KCNK2: variants seen among roughly 807,000 people sequenced by gnomAD.
The protein encoded by KCNK2 is potassium two pore domain channel subfamily K member 2, also known as potassium channel subfamily K member 2.
In KCNK2, 21 loss-of-function variants were observed where a neutral mutation model predicts 40.5. The ratio of observed to expected loss-of-function variants is 0.52; its 90% CI spans 0.37 to 0.75. The LOEUF is 0.75. Ranked by LOEUF, KCNK2 falls within the 30% of genes least tolerant of loss-of-function variation. The pLI, the probability that KCNK2 is intolerant of heterozygous loss-of-function variation, is 0.00. For synonymous variants in KCNK2, 191 were observed against 202.2 expected (o/e 0.94, Z 0.47); for missense variants, 399 against 531.6 (o/e 0.75, Z 2.45).
In KCNK2 at chr1:215,083,202, C is replaced by CCCCCCCCCACCCCCACCA; in HGVS notation, c.-183_-182insCCCCCCCACCCCCACCAC. On this transcript the variant is annotated 5_prime_UTR_variant, in exon 1 of 7. Transcript: ENST00000444842. ...TTCGTTTCTTCTCACGCTCCCCCCC[C>CCCCCCCCCACCCCCACCA]CGCCCCCTCCCGCGTCCAGCCCCGC... is the stretch of plus-strand genomic sequence containing the variant. The CCCCCCCCCACCCCCACCA allele has an allele frequency of 1.3e-6, 1 of 786,682 alleles. No homozygotes were observed. The highest frequency in any genetic ancestry group is 1.5e-5 in the South Asian group (1 of 66,924). The allele number at this position is 786,682 out of a possible 1,614,324, so 48.7% of individuals were successfully genotyped here. A position where few individuals can be genotyped will look rare whatever the true frequency, so the allele number is the denominator to read the frequency against.
chr1:215,145,773 T>A (rs1662389057), intron 3 of KCNK2, among the ~76,000 whole-genome samples: 1 of 152,194 alleles, frequency 6.6e-6, no homozygotes, highest in South Asian at 2.1e-4. Context: ...AAGTGCTTTG[T>A]GATAGAAGTT....
intron 1 of KCNK2, among the ~76,000 whole-genome samples, chr1:215,075,718 A>G (rs377323292): frequency 2.6e-4 from 40 of 152,314 alleles, no homozygotes; most frequent in African/African-American, 8.4e-4. Flanking sequence ...GTCTGCCACA[A>G]ATTTCTAGCC....
chr1:215,154,275 A>C (rs936157476), intron 3 of KCNK2, among the ~76,000 whole-genome samples: 1 of 152,142 alleles, frequency 6.6e-6, no homozygotes, highest in African/African-American at 2.4e-5. Context: ...TGACTTTTGA[A>C]TAATCGCCAT....
intron 2 of KCNK2, among the ~76,000 whole-genome samples, chr1:215,111,386 A>G (rs1204163308): frequency 1.3e-5 from 2 of 152,050 alleles, no homozygotes; most frequent in Non-Finnish European, 2.9e-5. Context: ...TTTGTTGTAT[A>G]TATTCATTCA....
Position 215,130,891 on chromosome 1 carries a change from C to T in KCNK2, c.475+6141C>T, listed in dbSNP as rs150425009. 3.3e-3 allele frequency among the ~76,000 whole-genome samples: 499 copies of T among 151,852 alleles called. 2 individuals are homozygous for T. The highest frequency in any genetic ancestry group is 5.4e-3 in the Non-Finnish European group (370 of 67,956). On this transcript the variant is annotated intron_variant, in intron 3 of 6. Coordinates refer to ENST00000444842, the MANE Select transcript of KCNK2 (RefSeq NM_001017425.3). ...TTTATTTATTTTTGAGACGGAGTCC[C>T]GCTCTTTAGCCTAGGCCGGATTGCA...
intron 1 of KCNK2, among the ~76,000 whole-genome samples, chr1:215,006,856 A>G (rs1656143768): frequency 1.3e-5 from 2 of 151,270 alleles, no homozygotes; most frequent in Admixed American, 1.3e-4. Flanking sequence ...ATGGCATTAC[A>G]TTGTGTCACT....
chr1:215,226,614 C>T (rs953703790), intron 6 of KCNK2, among the ~76,000 whole-genome samples: 23 of 152,122 alleles, frequency 1.5e-4, no homozygotes, highest in African/African-American at 5.3e-4. Context: ...CATGAGCCAC[C>T]GCGCCCGGCC....
intron 1 of KCNK2, among the ~76,000 whole-genome samples, chr1:215,035,987 A>G (rs1657370095): frequency 6.6e-6 from 1 of 151,816 alleles, no homozygotes; most frequent in Admixed American, 6.6e-5. Flanking sequence ...CATAGGAAAC[A>G]TATTTTCCTA....
At chr1:215,135,623 G>C (rs2102594572) in intron 3 of KCNK2, among the ~76,000 whole-genome samples, 1 of 151,778 alleles carries the variant, frequency 6.6e-6, no homozygotes, top group African/African-American at 2.4e-5. Flanking sequence ...ACAAAATTCA[G>C]TCCCAAACCA....
chr1:215,234,899 G>A lies in KCNK2; in HGVS notation c.1035G>A (p.Arg345=), dbSNP rs548027569. 177 of 1,614,076 alleles carry A rather than the reference G, an allele frequency of 1.1e-4. 1 individual carries two copies. In the South Asian group the frequency reaches 1.8e-3, roughly 16 times the overall value. Residue 345 remains arginine (R), a synonymous_variant, in exon 7 of 7, where the codon AGG becomes AGA. Transcript: ENST00000444842. ...NVTAEFKETR[R]RLSVEIYDKF... ...CAGCCGAATTCAAAGAAACCAGGAG[G>A]CGACTGAGTGTGGAGATTTATGACA...
rs1239803081 is a variant in KCNK2, at chr1:215,234,881, A to G, written c.1017A>G (p.Glu339=). The part of the protein sequence containing the change: ...AAEWTANVTA[E]FKETRRRLSV... ...AGTGGACAGCCAACGTCACAGCCGA[A>G]TTCAAAGAAACCAGGAGGCGACTGA... Residue 339 remains glutamate (E), a synonymous_variant, in exon 7 of 7, where the codon GAA becomes GAG. Transcript: ENST00000444842. 1 of 1,614,006 alleles carries G rather than the reference A, an allele frequency of 6.2e-7. No homozygotes were observed. Among genetic ancestry groups the G allele is most frequent in the East Asian group, 2.2e-5 (1 of 44,876 alleles).
intron 2 of KCNK2, among the ~76,000 whole-genome samples, chr1:215,120,907 A>G (rs1273975370): frequency 1.3e-5 from 2 of 152,036 alleles, no homozygotes; most frequent in Admixed American, 6.6e-5. Flanking sequence ...TTAAAGTTTT[A>G]TGTCTTTTTT....
rs35265842 is a variant in KCNK2, at chr1:215,169,643, CT to C, written c.636+295del. Among the ~76,000 whole-genome samples, 43 of 146,098 alleles carry C rather than the reference CT, an allele frequency of 2.9e-4. 1 individual carries two copies. Among genetic ancestry groups the C allele is most frequent in the African/African-American group, 6.3e-4 (25 of 39,876 alleles). On this transcript the variant is annotated intron_variant, in intron 4 of 6. Transcript: ENST00000444842. ...TTCTTTTACTTTTTTCTTTTTCTTT[CT>C]TTTTTTTTTTGAGACAGAGTCTTGC...
chr1:215,179,546 A>G (rs1473821324), intron 5 of KCNK2, among the ~76,000 whole-genome samples: 5 of 151,518 alleles, frequency 3.3e-5, no homozygotes, highest in Admixed American at 3.3e-4. Flanking sequence ...TTTGCTGTAT[A>G]TTGTATATTG....
chr1:215,175,747 G>C (rs1340269714), intron 5 of KCNK2, among the ~76,000 whole-genome samples: 8 of 151,862 alleles, frequency 5.3e-5, no homozygotes, highest in African/African-American at 1.9e-4. Flanking sequence ...GAGAACATAG[G>C]GTATTTGGTT....
chr1:215,079,430 G>A (rs1659066811), upstream of KCNK2, among the ~76,000 whole-genome samples: 1 of 152,200 alleles, frequency 6.6e-6, no homozygotes, highest in Non-Finnish European at 1.5e-5. Context: ...GGAGCAGGAG[G>A]AAGAGAGTGA....
chr1:215,149,991 G>A lies in KCNK2; in HGVS notation c.476-19208G>A, dbSNP rs543629504. Among the ~76,000 whole-genome samples the A allele has an allele frequency of 2.6e-5, 4 of 152,184 alleles. No individual in the cohort carries two copies. The East Asian group carries it at 7.7e-4, about 29-fold the overall frequency. On this transcript the variant is annotated intron_variant, in intron 3 of 6. Transcript: ENST00000444842. The stretch of plus-strand genomic sequence containing the variant: ...TTTAGATATCCAGTGGGAATACCAG[G>A]GCTATCATGATGACTAAAACATGGC...
intron 6 of KCNK2, among the ~76,000 whole-genome samples, chr1:215,208,593 C>T (rs976136781): frequency 9.9e-5 from 15 of 152,132 alleles, no homozygotes; most frequent in East Asian, 1.9e-4. Context: ...TTGCTATTTT[C>T]ATAAGCTCCC....
chr1:215,169,424 T>C, intron 4 of KCNK2, 65 bp downstream of exon 4: 1 of 1,250,620 alleles, frequency 8.0e-7, no homozygotes, highest in Non-Finnish European at 1.1e-6. Context: ...ATTATATCTT[T>C]TCTGTCACCT....
Sources: allele counts gnomAD v4.1 joint callset (sites outside exome capture counted in the v4.1 genomes callset), GRCh38; gene constraint gnomAD v4.1.1; transcripts MANE v1.5; gene names NCBI Gene and HGNC (gene_info 2026-07-23, HGNC 2026-07-21).